Variants in MACF1 observed in about 807,000 individuals in gnomAD.
MACF1 encodes microtubule actin crosslinking factor 1.
A neutral mutation model predicts 854.8 loss-of-function variants in MACF1; 193 were observed. The observed-to-expected ratio is 0.23, with a 90% CI of 0.20 to 0.25. The LOEUF is 0.25. Among genes scored for constraint, MACF1 ranks in the 10% least tolerant of loss-of-function variants. The pLI is 1.00. For missense variants in MACF1, 7,722 were observed against 8,929.1 expected, an observed-to-expected ratio of 0.86 and a Z score of 5.45; for synonymous variants, 3,185 against 3,226.7, an observed-to-expected ratio of 0.99 and a Z score of 0.44.
intron 51 of MACF1, 27 bp from the exon 52 acceptor site, chr1:39,372,452 C>T (rs1358294376): frequency 1.5e-6 from 2 of 1,369,598 alleles, no homozygotes; most frequent in Non-Finnish European, 2.1e-6. Context: ...CCAGATACTA[C>T]ATTTGGCCAT....
intron 52 of MACF1, 174 bp downstream of exon 52, chr1:39,372,770 A>G (rs775182731): frequency 9.1e-6 from 5 of 548,850 alleles, no homozygotes; most frequent in Non-Finnish European, 1.3e-5. Flanking sequence ...GCTATATAAC[A>G]TTGCTCCATT....
chr1:39,428,366 T>A, intron 63 of MACF1, 79 bp downstream of exon 63: 16 of 1,371,266 alleles, frequency 1.2e-5, no homozygotes, highest in Non-Finnish European at 1.4e-5. Flanking sequence ...TCATTTATTT[T>A]TTTTTCTTCA....
chr1:39,382,369 G>T lies in MACF1; in HGVS notation c.13848+217G>T, dbSNP rs1352283202. Among the ~76,000 whole-genome samples, 11 of 152,040 alleles carry T rather than the reference G, an allele frequency of 7.2e-5. 1 individual carries two copies. The highest frequency in any genetic ancestry group is 4.1e-4 in the South Asian group (2 of 4,822). On this transcript the variant is annotated intron_variant, in intron 56 of 100. Coordinates refer to ENST00000564288, the MANE Select transcript of MACF1 (RefSeq NM_001394062.1). ...ATTAATAGAGACAGTAAGATGAGTA[G>T]ATATGAGAATGGGGAGTTTTTCTGA...
chr1:39,367,893 C>T (rs757379263), intron 49 of MACF1, among the ~76,000 whole-genome samples: 4 of 151,536 alleles, frequency 2.6e-5, no homozygotes, highest in Non-Finnish European at 5.9e-5. Flanking sequence ...TCGCTTGAAC[C>T]CAGGAGGCGG....
chr1:39,246,968 C>T (rs536221869), intron 2 of MACF1, among the ~76,000 whole-genome samples: 1 of 149,664 alleles, frequency 6.7e-6, no homozygotes, highest in African/African-American at 2.5e-5. Flanking sequence ...ATGGTGTGAT[C>T]TTGGCTCACT....
At chr1:39,347,932 A>G (rs1054163350) in intron 41 of MACF1, among the ~76,000 whole-genome samples, 1 of 152,204 alleles carries the variant, frequency 6.6e-6, no homozygotes, top group African/African-American at 2.4e-5. Context: ...ACATAATTAC[A>G]TTAATAGTAA....
chr1:39,376,410 C>T (rs1471642908), intron 52 of MACF1, among the ~76,000 whole-genome samples: 4 of 152,090 alleles, frequency 2.6e-5, no homozygotes, highest in African/African-American at 4.8e-5. Context: ...TATCTAGCTC[C>T]GTTTCATAAA....
At chr1:39,207,652 T>C (rs1644466824) in intron 1 of MACF1, among the ~76,000 whole-genome samples, 2 of 152,288 alleles carry the variant, frequency 1.3e-5, no homozygotes, top group Non-Finnish European at 2.9e-5. Flanking sequence ...TCTTTCAGGC[T>C]CTCGTCTCAA....
chr1:39,227,140 C>G (rs1644725800), intron 1 of MACF1, among the ~76,000 whole-genome samples: 1 of 152,040 alleles, frequency 6.6e-6, no homozygotes, highest in African/African-American at 2.4e-5. Context: ...CCTCAAACTC[C>G]CAGGCTCAAG....
chr1:39,396,416 A>G (rs1185537670), intron 58 of MACF1, among the ~76,000 whole-genome samples: 3 of 152,222 alleles, frequency 2.0e-5, no homozygotes, highest in Admixed American at 6.5e-5. Flanking sequence ...CACATACAGT[A>G]TCAGTATGTA....
intron 1 of MACF1, among the ~76,000 whole-genome samples, chr1:39,221,115 G>A (rs1199851177): frequency 1.3e-5 from 2 of 152,164 alleles, no homozygotes; most frequent in Non-Finnish European, 2.9e-5. Flanking sequence ...TAAGAAGATC[G>A]GAATGGTTGC....
At chr1:39,427,077 T>C (rs948269396) in intron 61 of MACF1, among the ~76,000 whole-genome samples, 1 of 152,222 alleles carries the variant, frequency 6.6e-6, no homozygotes, top group Non-Finnish European at 1.5e-5. Context: ...GTGATATATA[T>C]ACTACATTCT....
chr1:39,486,210 T>A lies in MACF1; in HGVS notation c.*416T>A, dbSNP rs1645099125. The A allele has an allele frequency of 6.5e-6, 1 of 153,558 alleles. No homozygotes were observed. The highest frequency in any genetic ancestry group is 1.5e-5 in the Non-Finnish European group (1 of 68,750). The allele number at this position is 153,558 out of a possible 1,614,324, so 9.5% of individuals were successfully genotyped here. A position where few individuals can be genotyped will look rare whatever the true frequency, so the allele number is the denominator to read the frequency against. On this transcript the variant is annotated 3_prime_UTR_variant, in exon 101 of 101. Coordinates refer to ENST00000564288, the MANE Select transcript of MACF1 (RefSeq NM_001394062.1). The stretch of plus-strand genomic sequence containing the variant: ...AGCAAGATAAATTATATTAAAAAAA[T>A]AAGAATCCTGCAGTGTTTAAGGAAC...
chr1:39,297,837 A>C (rs1645956182), intron 21 of MACF1, 92 bp downstream of exon 21: 1 of 1,442,282 alleles, frequency 6.9e-7, no homozygotes, highest in Non-Finnish European at 9.4e-7. Flanking sequence ...GCTCCAGGGC[A>C]ATGGGCCATT....
intron 2 of MACF1, among the ~76,000 whole-genome samples, chr1:39,178,901 TG>T (rs1289578705): frequency 1.3e-5 from 2 of 152,212 alleles, no homozygotes; most frequent in Non-Finnish European, 2.9e-5. Context: ...TCTGCTTTAT[TG>T]TCAGCCTTAG....
intron 2 of MACF1, among the ~76,000 whole-genome samples, chr1:39,174,114 C>T (rs1386048942): frequency 6.6e-6 from 1 of 152,210 alleles, no homozygotes; most frequent in Non-Finnish European, 1.5e-5. Flanking sequence ...ATTGCTTCTA[C>T]TAGCCTTTCT....
intron 2 of MACF1, among the ~76,000 whole-genome samples, chr1:39,185,775 T>TC (rs899212430): frequency 1.3e-5 from 2 of 152,284 alleles, no homozygotes; most frequent in Non-Finnish European, 1.5e-5. Flanking sequence ...TGCTGGACTT[T>TC]CCGGGGGCTT....
chr1:39,249,867 C>T, intron 2 of MACF1, 147 bp from the exon 3 acceptor site: 1 of 514,050 alleles, frequency 1.9e-6, no homozygotes, highest in Non-Finnish European at 3.4e-6. Flanking sequence ...TTATTCCAAT[C>T]TGAAACTTCC....
At chr1:39,188,460 G>A (rs1021862168) in intron 2 of MACF1, among the ~76,000 whole-genome samples, 29 of 152,240 alleles carry the variant, frequency 1.9e-4, no homozygotes, top group African/African-American at 6.7e-4. Context: ...GGTGGGACTC[G>A]TTAACTGGTA....
Sources: gnomAD v4.1 joint callset for allele counts (sites outside exome capture counted in the v4.1 genomes callset) on GRCh38, gnomAD v4.1.1 for gene constraint, MANE v1.5 for transcripts, NCBI Gene and HGNC (gene_info 2026-07-23, HGNC 2026-07-21) for gene names.